The following SIRPA variants were observed in gnomAD, a reference collection of about 807,000 sequenced individuals.
SIRPA encodes signal regulatory protein alpha.
In SIRPA, 9 loss-of-function variants were observed where a neutral mutation model predicts 50.3. The ratio of observed to expected loss-of-function variants is 0.18; its 90% CI spans 0.11 to 0.31. The LOEUF (loss-of-function observed/expected upper bound fraction) is 0.31. SIRPA is among the 10% of genes least tolerant of loss of function. SIRPA has a pLI of 1.00. For missense variants in SIRPA, 474 were observed against 661.6 expected (o/e 0.72, Z 3.11); for synonymous variants, 265 against 284.1 (o/e 0.93, Z 0.68).
chr20:1,931,334 A>G (rs992228379), intron 6 of SIRPA, among the ~76,000 whole-genome samples: 2 of 152,178 alleles, frequency 1.3e-5, no homozygotes, highest in African/African-American at 2.4e-5. Context: ...AGAAGTCGTG[A>G]CATTCCCGAG....
intron 1 of SIRPA, 75 bp from the exon 2 acceptor site, chr20:1,915,024 T>C: frequency 8.4e-7 from 1 of 1,184,146 alleles, no homozygotes; most frequent in Non-Finnish European, 1.2e-6. Flanking sequence ...TCAATGAACG[T>C]CATTGATAAA....
intron 1 of SIRPA, among the ~76,000 whole-genome samples, chr20:1,904,200 C>T (rs1568494808): frequency 6.6e-6 from 1 of 152,188 alleles, no homozygotes; most frequent in East Asian, 1.9e-4. Context: ...TATCAGGAAG[C>T]ACAAAGATAT....
intron 6 of SIRPA, among the ~76,000 whole-genome samples, chr20:1,931,244 G>T (rs1349394405): frequency 6.6e-6 from 1 of 152,140 alleles, no homozygotes; most frequent in Non-Finnish European, 1.5e-5. Context: ...TGATGCTGTT[G>T]TTCCCCAGCC....
Position 1,927,225 on chromosome 20 carries a change from A to T in SIRPA, c.1202-650A>T, listed in dbSNP as rs1473079850. Among the ~76,000 whole-genome samples the T allele has an allele frequency of 6.6e-6, 1 of 152,234 alleles. No homozygotes were observed. The highest frequency in any genetic ancestry group is 1.5e-5 in the Non-Finnish European group (1 of 68,048). On this transcript the variant is annotated intron_variant, in intron 5 of 7. Coordinates refer to ENST00000358771, the MANE Select transcript of SIRPA (RefSeq NM_001040023.2). This position sits in a 1 kb window ranked among gnomAD's most constrained non-coding sequence, Gnocchi z 6.5. The stretch of plus-strand genomic sequence containing the variant: ...GCTTTTTAATTACAATTTTACAGCA[A>T]AATGGGAGTCAAACGGCTGCTGAAC...
At position 1,898,194 on chromosome 20, in the gene SIRPA, A is replaced by C. The variant is rs1262676360; in HGVS notation, c.79+2668A>C. 6.6e-6 allele frequency among the ~76,000 whole-genome samples: 1 copy of C among 152,206 alleles called. No homozygotes were observed. The highest frequency in any genetic ancestry group is 1.5e-5 in the Non-Finnish European group (1 of 68,038). On this transcript the variant is annotated intron_variant, in intron 1 of 7. Coordinates refer to ENST00000358771, the MANE Select transcript of SIRPA (RefSeq NM_001040023.2). The surrounding 1 kb of genome is among the most constrained non-coding windows in gnomAD (Gnocchi z 4.3). ...CTCTCACCGTTTGGTAGAGGGTGGC[A>C]CTCTGGGGGCTCCTCTGTACTTTCC...
In SIRPA at chr20:1,928,016, T is replaced by G. The variant is rs182576157; in HGVS notation, c.1226+117T>G. ...CCTCACCAATGTGTTGGTCAACATG[T>G]CTCTTTCTCTCCTTTGTAACCTCCT... On this transcript the variant is annotated intron_variant, in intron 6 of 7. Coordinates refer to ENST00000358771, the MANE Select transcript of SIRPA (RefSeq NM_001040023.2). This position sits in a 1 kb window ranked among gnomAD's most constrained non-coding sequence, Gnocchi z 4.9. 294 of 860,434 alleles carry G rather than the reference T, an allele frequency of 3.4e-4. 4 individuals are homozygous for G. Among genetic ancestry groups the G allele is most frequent in the East Asian group, 2.9e-3 (120 of 41,114 alleles). 53.3% of individuals were successfully genotyped at this position (860,434 alleles called of 1,614,324 possible).
intron 1 of SIRPA, among the ~76,000 whole-genome samples, chr20:1,912,243 G>T (rs1600412834): frequency 6.6e-6 from 1 of 152,222 alleles, no homozygotes; most frequent in South Asian, 2.1e-4. Context: ...CTGCACGCCT[G>T]ACTCCGCAGC....
chr20:1,925,859 T>A (rs1365709599), intron 5 of SIRPA, among the ~76,000 whole-genome samples: 6 of 152,194 alleles, frequency 3.9e-5, no homozygotes, highest in Non-Finnish European at 7.4e-5. Context: ...TTCTGCAACC[T>A]TTTTTTATTA....
At position 1,938,421 on chromosome 20, in the gene SIRPA, G is replaced by GTGTTT. The variant is rs138322358; in HGVS notation, c.*865_*869dup. The GTGTTT allele has an allele frequency of 5.2e-5, 8 of 152,678 alleles. No homozygotes were observed. Among genetic ancestry groups the GTGTTT allele is most frequent in the Non-Finnish European group, 7.3e-5 (5 of 68,058 alleles). The allele number at this position is 152,678 out of a possible 1,614,324, so 9.5% of individuals were successfully genotyped here. On this transcript the variant is annotated 3_prime_UTR_variant, in exon 8 of 8. Coordinates refer to ENST00000358771, the MANE Select transcript of SIRPA (RefSeq NM_001040023.2). ...GAGGTGTTAGAAAACTTGATCTGTG[G>GTGTTT]TGTTTTGTTTTGTTTTTTTTCTTAA...
At chr20:1,931,711 C>T (rs1299043987) in intron 6 of SIRPA, among the ~76,000 whole-genome samples, 2 of 152,098 alleles carry the variant, frequency 1.3e-5, no homozygotes, top group Non-Finnish European at 2.9e-5. Flanking sequence ...ACTTTGAGCT[C>T]AAGGGGTTCT....
At chr20:1,900,227 AGTAGCT>A (rs1453257296) in intron 1 of SIRPA, among the ~76,000 whole-genome samples, 2 of 151,108 alleles carry the variant, frequency 1.3e-5, no homozygotes, top group African/African-American at 4.9e-5. Context: ...CAGCCTCCCG[AGTAGCT>A]GGGATTACAG....
At position 1,932,924 on chromosome 20, in the gene SIRPA, G is replaced by C. The variant is rs1986371314; in HGVS notation, c.1227-1791G>C. 6.6e-6 allele frequency among the ~76,000 whole-genome samples: 1 copy of C among 152,184 alleles called. No individual in the cohort carries two copies. The highest frequency in any genetic ancestry group is 1.5e-5 in the Non-Finnish European group (1 of 68,030). ...GAAAATCCAGGGGAGACACAGATAT[G>C]GGGAAAATGATAATTGGTTATTGTC... On this transcript the variant is annotated intron_variant, in intron 6 of 7. Transcript: ENST00000358771. The surrounding 1 kb of genome is among the most constrained non-coding windows in gnomAD (Gnocchi z 6.0).
chr20:1,921,722 C>T lies in SIRPA; in HGVS notation c.754+10C>T. ...TCTGAGACCATCCGAGGTAGAAGACCCTCACCCAGCCCAAGCCCACACCTG... is the reference window on the plus strand; with the variant it reads ...TCTGAGACCATCCGAGGTAGAAGACTCTCACCCAGCCCAAGCCCACACCTG... On this transcript the variant is annotated intron_variant, in intron 3 of 7. Coordinates refer to ENST00000358771, the MANE Select transcript of SIRPA (RefSeq NM_001040023.2). The T allele has an allele frequency of 6.2e-7, 1 of 1,614,058 alleles. No individual in the cohort carries two copies. The highest frequency in any genetic ancestry group is 1.1e-5 in the South Asian group (1 of 91,076).
At chr20:1,895,227 C>T, upstream of SIRPA, 1 of 419,874 alleles carries the variant, frequency 2.4e-6, no homozygotes, top group Non-Finnish European at 4.2e-6. Flanking sequence ...GGGGTCTCTC[C>T]CAGTCTCCGT....
At chr20:1,906,125 C>A (rs574761976) in intron 1 of SIRPA, among the ~76,000 whole-genome samples, 1 of 152,234 alleles carries the variant, frequency 6.6e-6, no homozygotes, top group East Asian at 1.9e-4. Context: ...CTCAGAACAA[C>A]CCTAGTATTG....
intron 1 of SIRPA, among the ~76,000 whole-genome samples, chr20:1,907,127 T>A (rs767206014): frequency 1.9e-4 from 29 of 152,096 alleles, no homozygotes; most frequent in Middle Eastern, 3.2e-3. Context: ...CACCAGAGTC[T>A]GCCCCTTCCC....
Position 1,937,243 on chromosome 20 carries a change from T to C in SIRPA, c.1267-77T>C. Reference sequence around the variant, plus strand: ...AGGACACAGAAGCATCCAGACTTGGTATTCAGTTTGAGTGAGTGGGCCAGG... The same window carrying C: ...AGGACACAGAAGCATCCAGACTTGGCATTCAGTTTGAGTGAGTGGGCCAGG... On this transcript the variant is annotated intron_variant, in intron 7 of 7. Transcript: ENST00000358771. This position sits in a 1 kb window ranked among gnomAD's most constrained non-coding sequence, Gnocchi z 8.3. 1 of 1,517,652 alleles carries C rather than the reference T, an allele frequency of 6.6e-7. No individual in the cohort carries two copies. Among genetic ancestry groups the C allele is most frequent in the Non-Finnish European group, 9.0e-7 (1 of 1,115,244 alleles). The allele number at this position is 1,517,652 out of a possible 1,614,324, so 94.0% of individuals were successfully genotyped here. A position where few individuals can be genotyped will look rare whatever the true frequency, so the allele number is the denominator to read the frequency against.
At chr20:1,895,981 A>G (rs1294950521) in intron 1 of SIRPA, among the ~76,000 whole-genome samples, 4 of 152,214 alleles carry the variant, frequency 2.6e-5, no homozygotes, top group Admixed American at 2.6e-4. Flanking sequence ...GCTGCCTGGA[A>G]TGGAACAGAG....
chr20:1,912,447 G>A (rs1388682135), intron 1 of SIRPA, among the ~76,000 whole-genome samples: 2 of 152,206 alleles, frequency 1.3e-5, no homozygotes, highest in Non-Finnish European at 2.9e-5. Flanking sequence ...TGGAGCCAAC[G>A]ACATCCTTCC....
Sources: gnomAD v4.1 joint callset for allele counts (sites outside exome capture counted in the v4.1 genomes callset) on GRCh38, gnomAD v4.1.1 for gene constraint, Gnocchi (gnomAD v3.1) non-coding constraint, MANE v1.5 for transcripts, NCBI Gene and HGNC (gene_info 2026-07-23, HGNC 2026-07-21) for gene names.